The following ISLR2 variants were observed in gnomAD, a reference collection of about 807,000 sequenced individuals.
The protein encoded by ISLR2 is immunoglobulin superfamily containing leucine rich repeat 2.
A neutral mutation model predicts 25.5 loss-of-function variants in ISLR2; 16 were observed. The ratio of observed to expected loss-of-function variants is 0.63; its 90% confidence interval spans 0.43 to 0.95. The LOEUF is 0.95. Ranked by LOEUF, ISLR2 falls within the 40% of genes least tolerant of loss-of-function variation. ISLR2 has a pLI of 0.00. For missense variants in ISLR2, 883 were observed against 1,030.7 expected, an observed-to-expected ratio of 0.86 and a Z score of 1.96; for synonymous variants, 508 against 486.6, an observed-to-expected ratio of 1.04 and a Z score of -0.58.
At chr15:74,130,675 C>G (rs16968448) in intron 1 of ISLR2, 54 bp downstream of exon 1, 3,262 of 152,462 alleles carry the variant, frequency 0.021, 118 homozygotes, top group African/African-American at 0.075. Flanking sequence ...GGTAAGTGTC[C>G]CGGGTGCAGG....
intron 2 of ISLR2, among the ~76,000 whole-genome samples, chr15:74,114,609 T>C (rs548243193): frequency 6.8e-6 from 1 of 147,200 alleles, no homozygotes; most frequent in East Asian, 2.0e-4. Flanking sequence ...CAAGATCCTG[T>C]CTCAAAAAAA....
chr15:74,133,375 C>G lies in ISLR2; in HGVS notation c.621C>G (p.Asp207Glu). The change falls in exon 3 of 3, where the codon GAC (aspartate) becomes GAG (glutamate). Residue 207 changes from aspartate (D) to glutamate (E), a missense_variant. Asp to Glu is a conservative substitution (Grantham distance 45, BLOSUM62 2). Transcript: ENST00000453268. Reference sequence around the variant, plus strand: ...CCCGGGTGTCCTTACCCGAGCCCGACTCCATTGCTTGTGCCTCGCCTCCCG... The same window carrying G: ...CCCGGGTGTCCTTACCCGAGCCCGAGTCCATTGCTTGTGCCTCGCCTCCCG... Reference protein sequence around the residue: ...ASTRVSLPEPDSIACASPPAL... With the variant: ...ASTRVSLPEPESIACASPPAL... The G allele has an allele frequency of 6.2e-7, 1 of 1,608,028 alleles. No homozygotes were observed. The highest frequency in any genetic ancestry group is 8.5e-7 in the Non-Finnish European group (1 of 1,179,824).
downstream of ISLR2, chr15:74,138,523 T>A (rs1158981012): frequency 6.6e-6 from 1 of 152,646 alleles, no homozygotes; most frequent in African/African-American, 2.4e-5. Flanking sequence ...GTAAAACCTT[T>A]AGGCAATGGG....
At chr15:74,111,241 C>T (rs1031293698) in intron 2 of ISLR2, among the ~76,000 whole-genome samples, 2 of 151,010 alleles carry the variant, frequency 1.3e-5, no homozygotes, top group Non-Finnish European at 2.9e-5. Flanking sequence ...AAGCCAATCT[C>T]AAAAGGCCAC....
chr15:74,112,529 C>CT (rs537213682), intron 2 of ISLR2, among the ~76,000 whole-genome samples: 1,776 of 141,852 alleles, frequency 0.013, 21 homozygotes, highest in Middle Eastern at 0.022. Context: ...TATGGGTCTG[C>CT]TTTTTTTTTT....
chr15:74,136,321 C>G lies in ISLR2; in HGVS notation c.*1329C>G, dbSNP rs2072564742. On this transcript the variant is annotated 3_prime_UTR_variant, in exon 3 of 3. Coordinates refer to ENST00000453268, the MANE Select transcript of ISLR2 (RefSeq NM_020851.3). ...CTGTGGCCTCCCGGGCCGCGGCTCT[C>G]TGGAGGGCTCGCGCCCTAGTTCGCA... 6.1e-6 allele frequency: 1 copy of G among 164,972 alleles called. No individual in the cohort carries two copies. Among genetic ancestry groups the G allele is most frequent in the Admixed American group, 6.5e-5 (1 of 15,292 alleles). 10.2% of individuals were successfully genotyped at this position (164,972 alleles called of 1,614,324 possible). A position where few individuals can be genotyped will look rare whatever the true frequency, so the allele number is the denominator to read the frequency against.
At chr15:74,112,337 T>A (rs2072174423) in intron 2 of ISLR2, among the ~76,000 whole-genome samples, 2 of 152,140 alleles carry the variant, frequency 1.3e-5, no homozygotes, top group African/African-American at 4.8e-5. Context: ...AGATTTCTGA[T>A]AACAAATAAT....
At chr15:74,131,873 T>G (rs1165362058) in intron 2 of ISLR2, 2 of 152,258 alleles carry the variant, frequency 1.3e-5, no homozygotes, top group Non-Finnish European at 2.9e-5. Flanking sequence ...TGGCCTTAGA[T>G]GCAGTAGGGC....
At position 74,136,141 on chromosome 15, in the gene ISLR2, G is replaced by T. The variant is rs902757313; in HGVS notation, c.*1149G>T. 7 of 166,680 alleles carry T rather than the reference G, an allele frequency of 4.2e-5. No homozygotes were observed. Among genetic ancestry groups the T allele is most frequent in the African/African-American group, 1.7e-4 (7 of 41,474 alleles). The allele number at this position is 166,680 out of a possible 1,614,324, so 10.3% of individuals were successfully genotyped here. A position where few individuals can be genotyped will look rare whatever the true frequency, so the allele number is the denominator to read the frequency against. On this transcript the variant is annotated 3_prime_UTR_variant, in exon 3 of 3. Coordinates refer to ENST00000453268, the MANE Select transcript of ISLR2 (RefSeq NM_020851.3). ...AACTTAAAGCGCCGCAGGACCGCGCGCCCCTTGGCGGCTGAGCCTGTGGAC... is the reference window on the plus strand; with the variant it reads ...AACTTAAAGCGCCGCAGGACCGCGCTCCCCTTGGCGGCTGAGCCTGTGGAC...
chr15:74,123,474 G>C (rs938171056), upstream of ISLR2, among the ~76,000 whole-genome samples: 1 of 152,210 alleles, frequency 6.6e-6, no homozygotes, highest in Non-Finnish European at 1.5e-5. Flanking sequence ...CATTGCATGG[G>C]TGGAAACCTA....
intron 2 of ISLR2, among the ~76,000 whole-genome samples, chr15:74,121,991 C>T (rs1056259229): frequency 9.2e-5 from 14 of 152,174 alleles, no homozygotes; most frequent in Non-Finnish European, 1.6e-4. Context: ...GGGGGACTAA[C>T]GCAGGAGACC....
downstream of ISLR2, among the ~76,000 whole-genome samples, chr15:74,141,657 T>C (rs2072611242): frequency 6.6e-6 from 1 of 152,198 alleles, no homozygotes; most frequent in Non-Finnish European, 1.5e-5. Context: ...TTCCTTATAG[T>C]GATCCTGTGA....
At chr15:74,110,029 A>T (rs143856876) in intron 2 of ISLR2, among the ~76,000 whole-genome samples, 2 of 152,230 alleles carry the variant, frequency 1.3e-5, no homozygotes, top group Non-Finnish European at 2.9e-5. Context: ...CCTTGGCTCG[A>T]GCAATTCACC....
chr15:74,108,106 C>T (rs940053907), intron 2 of ISLR2, among the ~76,000 whole-genome samples: 5 of 152,234 alleles, frequency 3.3e-5, no homozygotes, highest in South Asian at 2.1e-4. Flanking sequence ...CAGGGAGGGG[C>T]GGGGTCAGCC....
upstream of ISLR2, chr15:74,127,435 G>A (rs1015538514): frequency 6.6e-6 from 1 of 152,238 alleles, no homozygotes; most frequent in African/African-American, 2.4e-5. Flanking sequence ...AGACGCCCTG[G>A]GCACTGGAAA....
chr15:74,129,036 C>G, upstream of ISLR2: 2 of 456,736 alleles, frequency 4.4e-6, no homozygotes, highest in Non-Finnish European at 8.8e-6. The surrounding 1 kb of genome is among the most constrained non-coding windows in gnomAD (Gnocchi z 4.5). Flanking sequence ...AGTGCTCTCA[C>G]CCCTCGACCA....
downstream of ISLR2, among the ~76,000 whole-genome samples, chr15:74,137,773 C>A (rs554212139): frequency 2.6e-5 from 4 of 152,244 alleles, no homozygotes; most frequent in East Asian, 7.7e-4. Context: ...CTTTTGCTGT[C>A]TCTGTGGGTC....
At chr15:74,126,151 C>G (rs2072293140), upstream of ISLR2, 1 of 151,996 alleles carries the variant, frequency 6.6e-6, no homozygotes, top group Non-Finnish European at 1.5e-5. Flanking sequence ...GTGGAGGAGG[C>G]AGGACACAAG....
chr15:74,107,123 A>G (rs2072127125), intron 2 of ISLR2, among the ~76,000 whole-genome samples: 1 of 152,078 alleles, frequency 6.6e-6, no homozygotes, highest in Admixed American at 6.5e-5. Flanking sequence ...CTTCCTTCCC[A>G]GGGTCCCCTG....
Sources: allele counts gnomAD v4.1 joint callset (sites outside exome capture counted in the v4.1 genomes callset), GRCh38; gene constraint gnomAD v4.1.1; non-coding constraint Gnocchi (gnomAD v3.1); transcripts MANE v1.5; gene names NCBI Gene and HGNC (gene_info 2026-07-23, HGNC 2026-07-21).